The following BDH1 variants were observed in gnomAD, a reference collection of about 807,000 sequenced individuals.
BDH1 encodes the protein D-beta-hydroxybutyrate dehydrogenase, mitochondrial.
A neutral mutation model predicts 33.1 loss-of-function variants in BDH1; 30 were observed. The ratio of observed to expected loss-of-function variants is 0.91; its 90% confidence interval spans 0.68 to 1.23. BDH1 has a LOEUF of 1.23. Ranked by LOEUF, BDH1 falls within the 50% of genes most tolerant of loss-of-function variation. BDH1 has a pLI of 0.00. For missense variants in BDH1, 443 were observed against 464.4 expected, an observed-to-expected ratio of 0.95 and a Z score of 0.42; for synonymous variants, 190 against 183.6, an observed-to-expected ratio of 1.03 and a Z score of -0.28.
rs779847505 is a variant in BDH1, at chr3:197,533,581, C to T, written c.84-20G>A. On this transcript the variant is annotated intron_variant, in intron 3 of 7. Transcript: ENST00000392379. Reference sequence around the variant, plus strand: ...GGGCGTCTGCAAGAGAAAAGGAAGCCGTGAGTACAAGGACAGACTAGACAG... The same window carrying T: ...GGGCGTCTGCAAGAGAAAAGGAAGCTGTGAGTACAAGGACAGACTAGACAG... The T allele has an allele frequency of 8.7e-6, 14 of 1,612,988 alleles. No homozygotes were observed. Among genetic ancestry groups the T allele is most frequent in the Middle Eastern group, 1.6e-4 (1 of 6,084 alleles).
rs1713993575 is a variant in BDH1, at chr3:197,525,440, C to T, written c.268-2659G>A. 6.6e-6 allele frequency among the ~76,000 whole-genome samples: 1 copy of T among 152,222 alleles called. No individual in the cohort carries two copies. Among genetic ancestry groups the T allele is most frequent in the Non-Finnish European group, 1.5e-5 (1 of 68,042 alleles). ...CTGGTGCCCCTACACAGCATCACGA[C>T]AAGGTCCCTGCAGTCCTCAGGGGAA... is the stretch of plus-strand genomic sequence containing the variant. On this transcript the variant is annotated intron_variant, in intron 5 of 7. Transcript: ENST00000392379. This position sits in a 1 kb window ranked among gnomAD's most constrained non-coding sequence, Gnocchi z 4.9.
intron 1 of BDH1, among the ~76,000 whole-genome samples, chr3:197,565,601 GGA>G (rs1717409026): frequency 6.6e-6 from 1 of 151,964 alleles, no homozygotes; most frequent in Non-Finnish European, 1.5e-5. Flanking sequence ...CAAAATCATG[GGA>G]AACTCCTATA....
chr3:197,563,835 C>G (rs62283262), intron 1 of BDH1, among the ~76,000 whole-genome samples: 3 of 152,074 alleles, frequency 2.0e-5, no homozygotes, highest in African/African-American at 7.2e-5. Context: ...GGAGCAGTGG[C>G]TCACACTTGT....
rs1448553206 is a variant in BDH1, at chr3:197,554,893, T to G, written c.-195-180A>C. Among the ~76,000 whole-genome samples the G allele has an allele frequency of 6.6e-6, 1 of 152,212 alleles. No homozygotes were observed. The highest frequency in any genetic ancestry group is 1.5e-5 in the Non-Finnish European group (1 of 68,030). Reference sequence around the variant, plus strand: ...TATCTATCAGGCGCGCGTCAGCACGTAAGCAGAGCGCGAGAACGCCCGAGA... The same window carrying G: ...TATCTATCAGGCGCGCGTCAGCACGGAAGCAGAGCGCGAGAACGCCCGAGA... On this transcript the variant is annotated intron_variant, in intron 1 of 7. Coordinates refer to ENST00000392379, the MANE Select transcript of BDH1 (RefSeq NM_203314.3). This position sits in a 1 kb window ranked among gnomAD's most constrained non-coding sequence, Gnocchi z 4.4.
chr3:197,526,446 A>G lies in BDH1; in HGVS notation c.268-3665T>C, dbSNP rs1009052582. On this transcript the variant is annotated intron_variant, in intron 5 of 7. Coordinates refer to ENST00000392379, the MANE Select transcript of BDH1 (RefSeq NM_203314.3). The surrounding 1 kb of genome is among the most constrained non-coding windows in gnomAD (Gnocchi z 4.7). ...TTGCTGCCCCTGAGAGAGCAGGTGCACAAAAGCCAGCTCTTCCTTCTTGGG... is the reference window on the plus strand; with the variant it reads ...TTGCTGCCCCTGAGAGAGCAGGTGCGCAAAAGCCAGCTCTTCCTTCTTGGG... Among the ~76,000 whole-genome samples the G allele has an allele frequency of 1.3e-5, 2 of 152,222 alleles. No homozygotes were observed. Among genetic ancestry groups the G allele is most frequent in the African/African-American group, 4.8e-5 (2 of 41,460 alleles).
At position 197,514,634 on chromosome 3, in the gene BDH1, T is replaced by C. The variant is rs1445396175; in HGVS notation, c.410-218A>G. Among the ~76,000 whole-genome samples the C allele has an allele frequency of 1.3e-5, 2 of 152,040 alleles. No individual in the cohort carries two copies. The highest frequency in any genetic ancestry group is 2.9e-5 in the Non-Finnish European group (2 of 67,972). On this transcript the variant is annotated intron_variant, in intron 6 of 7. Transcript: ENST00000392379. This position sits in a 1 kb window ranked among gnomAD's most constrained non-coding sequence, Gnocchi z 4.2. ...CCTCCCTTGCGTCTAGAATGTCCAG[T>C]CCTCACGTCACATCTGCCTGGCTCG...
At chr3:197,564,098 T>TAA (rs71164298) in intron 1 of BDH1, among the ~76,000 whole-genome samples, 4 of 109,028 alleles carry the variant, frequency 3.7e-5, no homozygotes, top group African/African-American at 1.1e-4. Flanking sequence ...AGACTTCATC[T>TAA]AAAAAAAAAA....
intron 2 of BDH1, among the ~76,000 whole-genome samples, chr3:197,546,927 G>T (rs1471057315): frequency 6.6e-6 from 1 of 152,128 alleles, no homozygotes; most frequent in Admixed American, 6.5e-5. Context: ...CATTCCTGAG[G>T]TGCCCACCTG....
In BDH1 at chr3:197,525,586, C is replaced by T. The variant is rs114510678; in HGVS notation, c.268-2805G>A. 0.019 allele frequency among the ~76,000 whole-genome samples: 2,961 copies of T among 152,318 alleles called. 97 individuals carry two copies. The highest frequency in any genetic ancestry group is 0.067 in the African/African-American group (2,777 of 41,556). ...GGCTTCAGGCTCCCGAGGAGAGCAA[C>T]GCTACCCTCCTATCTTCACTGACAG... is the stretch of plus-strand genomic sequence containing the variant. On this transcript the variant is annotated intron_variant, in intron 5 of 7. Coordinates refer to ENST00000392379, the MANE Select transcript of BDH1 (RefSeq NM_203314.3). This position sits in a 1 kb window ranked among gnomAD's most constrained non-coding sequence, Gnocchi z 4.9.
rs1711918149 is a variant in BDH1, at chr3:197,510,694, T to TGTGTGTGTGTGTGTACATGTGTGTAAG, written c.*1200_*1201insCTTACACACATGTACACACACACACAC. 1.1e-5 allele frequency: 1 copy of TGTGTGTGTGTGTGTACATGTGTGTAAG among 91,512 alleles called. No individual in the cohort carries two copies. The allele number at this position is 91,512 out of a possible 1,614,324, so 5.7% of individuals were successfully genotyped here. A position where few individuals can be genotyped will look rare whatever the true frequency, so the allele number is the denominator to read the frequency against. ...TGTACATGTGTGTAAGGTGTGTGTGTGTGTGTGTGTGTGTGTGTGTGTGTA... is the reference window on the plus strand; with the variant it reads ...TGTACATGTGTGTAAGGTGTGTGTGTGTGTGTGTGTGTGTACATGTGTGTAAGGTGTGTGTGTGTGTGTGTGTGTGTA... On this transcript the variant is annotated 3_prime_UTR_variant, in exon 8 of 8. Transcript: ENST00000392379.
rs1198422283 is a variant in BDH1 at position 197,522,476 on chromosome 3, T to C, written c.409+164A>G. On this transcript the variant is annotated intron_variant, in intron 6 of 7. Transcript: ENST00000392379. This position sits in a 1 kb window ranked among gnomAD's most constrained non-coding sequence, Gnocchi z 4.8. ...TTTTTCCATTGCCCTATTGCACGTG[T>C]ATGTTTAGTGTAATCCTCTTCCTCC... 6.6e-6 allele frequency among the ~76,000 whole-genome samples: 1 copy of C among 152,146 alleles called. No homozygotes were observed. Among genetic ancestry groups the C allele is most frequent in the Non-Finnish European group, 1.5e-5 (1 of 68,028 alleles).
chr3:197,540,392 G>A (rs1001917402), intron 3 of BDH1, among the ~76,000 whole-genome samples: 19 of 151,038 alleles, frequency 1.3e-4, no homozygotes, highest in African/African-American at 3.4e-4. Context: ...GGTTGTGGCC[G>A]GGAGCGGTGG....
intron 1 of BDH1, among the ~76,000 whole-genome samples, chr3:197,564,102 A>AAAAAAAG (rs1199714222): frequency 2.6e-5 from 4 of 151,286 alleles, no homozygotes; most frequent in African/African-American, 9.7e-5. Context: ...TTCATCTAAA[A>AAAAAAAG]AAAAAAAAAA....
intron 3 of BDH1, 168 bp from the exon 4 acceptor site, chr3:197,533,729 A>G (rs1470655264): frequency 1.6e-6 from 1 of 631,070 alleles, no homozygotes; most frequent in Non-Finnish European, 2.8e-6. Context: ...GCTGATAGAA[A>G]GTGAGCCAGT....
chr3:197,542,918 T>G, intron 3 of BDH1: 43 of 901,720 alleles, frequency 4.8e-5, no homozygotes, highest in East Asian at 2.4e-4. Context: ...AGGAACAGAA[T>G]GAGAGGGAGG....
chr3:197,543,236 G>A (rs1715805182), intron 3 of BDH1: 4 of 953,704 alleles, frequency 4.2e-6, no homozygotes, highest in South Asian at 4.8e-5. Flanking sequence ...ATGGCCTCAC[G>A]GCAGCATCTG....
At position 197,511,178 on chromosome 3, in the gene BDH1, G is replaced by A. The variant is rs1251804804; in HGVS notation, c.*717C>T. On this transcript the variant is annotated 3_prime_UTR_variant, in exon 8 of 8. Transcript: ENST00000392379. Reference sequence around the variant, plus strand: ...GGAGGCGGAGGTTGCAGTGAGCGGAGATGGTGCCATTGCACTCCAGCCTAG... The same window carrying A: ...GGAGGCGGAGGTTGCAGTGAGCGGAAATGGTGCCATTGCACTCCAGCCTAG... 1.3e-5 allele frequency: 2 copies of A among 152,374 alleles called. No individual in the cohort carries two copies. Among genetic ancestry groups the A allele is most frequent in the Non-Finnish European group, 2.9e-5 (2 of 68,164 alleles). The allele number at this position is 152,374 out of a possible 1,614,324, so 9.4% of individuals were successfully genotyped here. A position where few individuals can be genotyped will look rare whatever the true frequency, so the allele number is the denominator to read the frequency against.
intron 5 of BDH1, 60 bp downstream of exon 5, chr3:197,532,352 G>T: frequency 6.8e-7 from 1 of 1,476,072 alleles, no homozygotes; most frequent in Non-Finnish European, 9.5e-7. Flanking sequence ...CTTTTTAAAA[G>T]ACTAAAAAAC....
In BDH1 at chr3:197,514,425, G is replaced by C. The variant is rs1712468680; in HGVS notation, c.410-9C>G. On this transcript the variant is annotated splice_polypyrimidine_tract_variant and intron_variant, in intron 6 of 7. Transcript: ENST00000392379. The surrounding 1 kb of genome is among the most constrained non-coding windows in gnomAD (Gnocchi z 4.2). ...AACGAGGCCCCACATGCCTGGACAG[G>C]AGAGGGATAGATGTGCATTTACCAC... is the stretch of plus-strand genomic sequence containing the variant. The C allele has an allele frequency of 5.6e-6, 9 of 1,594,424 alleles. No individual in the cohort carries two copies. Among genetic ancestry groups the C allele is most frequent in the Non-Finnish European group, 7.7e-6 (9 of 1,168,784 alleles).
Sources: gnomAD v4.1 joint callset for allele counts (sites outside exome capture counted in the v4.1 genomes callset) on GRCh38, gnomAD v4.1.1 for gene constraint, Gnocchi (gnomAD v3.1) non-coding constraint, MANE v1.5 for transcripts, NCBI Gene and HGNC (gene_info 2026-07-23, HGNC 2026-07-21) for gene names.